SPIDR: variants seen among roughly 807,000 people sequenced by gnomAD.
SPIDR encodes the protein DNA repair-scaffolding protein.
A neutral mutation model predicts 104.6 loss-of-function variants in SPIDR; 93 were observed. The observed-to-expected ratio is 0.89, with a 90% confidence interval of 0.75 to 1.06. The LOEUF (loss-of-function observed/expected upper bound fraction) is 1.06. Ranked by LOEUF, SPIDR falls within the 50% of genes least tolerant of loss-of-function variation. The pLI is 0.00. For missense variants in SPIDR, 1,154 were observed against 1,111.2 expected, an observed-to-expected ratio of 1.04 and a Z score of -0.55; for synonymous variants, 431 against 416.9, an observed-to-expected ratio of 1.03 and a Z score of -0.41.
rs1554728461 is a variant in SPIDR, at chr8:47,483,157, GTTTTGTTTT to G, written c.1097+42616_1097+42624del. Among the ~76,000 whole-genome samples, 41 of 151,968 alleles carry G rather than the reference GTTTTGTTTT, an allele frequency of 2.7e-4. No homozygotes were observed. In the East Asian group the frequency reaches 7.0e-3, roughly 26 times the overall value. ...TTTTTTGTTTGTTTTGTTTTGTTTT[GTTTTGTTTT>G]GTTTGTGTGTGTGTCTTTTATTTTA... On this transcript the variant is annotated intron_variant, in intron 8 of 19. Coordinates refer to ENST00000297423, the MANE Select transcript of SPIDR (RefSeq NM_001080394.4).
In SPIDR at chr8:47,299,350, G is replaced by A. The variant is rs2041570575; in HGVS notation, c.525+5320G>A. 2.6e-5 allele frequency among the ~76,000 whole-genome samples: 4 copies of A among 152,258 alleles called. No individual in the cohort carries two copies. The South Asian group carries it at 8.3e-4, about 32-fold the overall frequency. On this transcript the variant is annotated intron_variant, in intron 5 of 19. Coordinates refer to ENST00000297423, the MANE Select transcript of SPIDR (RefSeq NM_001080394.4). ...GCCTGTCAGCTTAAGGAGATTTTGG[G>A]CTGAGGCAATGGGGTTTTCTAGATA...
intron 7 of SPIDR, among the ~76,000 whole-genome samples, chr8:47,419,794 G>T (rs148064843): frequency 0.026 from 3,891 of 152,138 alleles, 60 homozygotes; most frequent in Middle Eastern, 0.041. Context: ...CTTTGAATAT[G>T]TCCCAGAGAT....
At chr8:47,583,056 A>C (rs892738697) in intron 8 of SPIDR, among the ~76,000 whole-genome samples, 11 of 151,876 alleles carry the variant, frequency 7.2e-5, no homozygotes, top group Admixed American at 7.2e-4. Flanking sequence ...CCAACTTCTC[A>C]AGTATGCTCT....
At chr8:47,719,262 A>G (rs1200356999) in intron 16 of SPIDR, among the ~76,000 whole-genome samples, 2 of 152,144 alleles carry the variant, frequency 1.3e-5, no homozygotes, top group Non-Finnish European at 2.9e-5. Context: ...TAATCCCAGC[A>G]CTTGGGGAGG....
At chr8:47,334,411 A>T (rs1238885720) in intron 5 of SPIDR, among the ~76,000 whole-genome samples, 2 of 152,134 alleles carry the variant, frequency 1.3e-5, no homozygotes, top group African/African-American at 4.8e-5. Context: ...TTCACTTTGC[A>T]GTTTGTTTTT....
At chr8:47,317,610 C>A (rs1208289981) in intron 5 of SPIDR, among the ~76,000 whole-genome samples, 2 of 152,176 alleles carry the variant, frequency 1.3e-5, no homozygotes, top group Non-Finnish European at 2.9e-5. Flanking sequence ...GTTCTCCCAG[C>A]ACGCAGCTGG....
At chr8:47,440,653 G>C in intron 8 of SPIDR, 111 bp downstream of exon 8, 1 of 1,084,282 alleles carries the variant, frequency 9.2e-7, no homozygotes. Context: ...AATGCGAGAG[G>C]AAGAGAGCCA....
At chr8:47,281,615 T>C (rs1173792189) in intron 2 of SPIDR, among the ~76,000 whole-genome samples, 2 of 152,230 alleles carry the variant, frequency 1.3e-5, no homozygotes, top group Non-Finnish European at 2.9e-5. Context: ...CGTAGGAAAT[T>C]GCAGCAATTC....
chr8:47,533,940 C>G (rs1307633644), intron 8 of SPIDR, among the ~76,000 whole-genome samples: 1 of 152,148 alleles, frequency 6.6e-6, no homozygotes, highest in African/African-American at 2.4e-5. Context: ...GCTCTGTGTC[C>G]CCACCCAAAT....
At chr8:47,486,926 G>A (rs1452254881) in intron 8 of SPIDR, among the ~76,000 whole-genome samples, 35 of 152,176 alleles carry the variant, frequency 2.3e-4, no homozygotes, top group Non-Finnish European at 5.9e-5. Context: ...TCAATGCTAG[G>A]AAGAAACTGC....
chr8:47,576,032 G>A (rs1039080914), intron 8 of SPIDR, among the ~76,000 whole-genome samples: 1 of 150,046 alleles, frequency 6.7e-6, no homozygotes, highest in Non-Finnish European at 1.5e-5. Flanking sequence ...TAAACGATCT[G>A]TTATGTGAGA....
chr8:47,719,843 C>T (rs764353645), intron 16 of SPIDR, among the ~76,000 whole-genome samples: 1 of 152,140 alleles, frequency 6.6e-6, no homozygotes, highest in Non-Finnish European at 1.5e-5. Context: ...CTTACATTTA[C>T]AGGAGCCAGG....
At position 47,680,227 on chromosome 8, in the gene SPIDR, T is replaced by A. The variant is rs1471481322; in HGVS notation, c.1685+6286T>A. ...GAATTTTTCACAGGAAAAAAAGTTG[T>A]ATGCATTGCACTTTCCCTTTTCCTT... On this transcript the variant is annotated intron_variant, in intron 11 of 19. Coordinates refer to ENST00000297423, the MANE Select transcript of SPIDR (RefSeq NM_001080394.4). Among the ~76,000 whole-genome samples, 4 of 152,346 alleles carry A rather than the reference T, an allele frequency of 2.6e-5. No homozygotes were observed. In the South Asian group the frequency reaches 8.3e-4, roughly 32 times the overall value.
At chr8:47,290,029 T>C (rs1459836618) in intron 3 of SPIDR, among the ~76,000 whole-genome samples, 1 of 152,274 alleles carries the variant, frequency 6.6e-6, no homozygotes, top group African/African-American at 2.4e-5. Flanking sequence ...TGATTTTATT[T>C]ATATAACCTT....
At chr8:47,421,115 T>G (rs2065371794) in intron 7 of SPIDR, among the ~76,000 whole-genome samples, 1 of 152,230 alleles carries the variant, frequency 6.6e-6, no homozygotes, top group African/African-American at 2.4e-5. Flanking sequence ...GAACAGTATC[T>G]TTGTGCTGTT....
chr8:47,522,226 A>G lies in SPIDR; in HGVS notation c.1098-73585A>G, dbSNP rs530149616. ...AGAAACATGAATGAGCAGGAGAAAA[A>G]GAACTGTGATACTGAAGGGGTCAGC... On this transcript the variant is annotated intron_variant, in intron 8 of 19. Coordinates refer to ENST00000297423, the MANE Select transcript of SPIDR (RefSeq NM_001080394.4). 2.6e-5 allele frequency among the ~76,000 whole-genome samples: 4 copies of G among 152,082 alleles called. No individual in the cohort carries two copies. In the South Asian group the frequency reaches 8.3e-4, roughly 32 times the overall value.
rs745986720 is a variant in SPIDR at position 47,701,971 on chromosome 8, A to C, written c.1933A>C (p.Thr645Pro). The C allele has an allele frequency of 3.7e-6, 6 of 1,613,822 alleles. No homozygotes were observed. Among genetic ancestry groups the C allele is most frequent in the African/African-American group, 1.3e-5 (1 of 74,804 alleles). The stretch of plus-strand genomic sequence containing the variant: ...TCCTTTCCAGATGAATGATCTTGGT[A>C]CCCGTTGCAGTTTCTATGCCACGGT... Reference protein sequence around the residue: ...RDILQMNDLGTRCSFYATVIY... With the variant: ...RDILQMNDLGPRCSFYATVIY... The change falls in exon 14 of 20, where the codon ACC becomes CCC. Residue 645 changes from threonine to proline, a missense_variant. Thr to Pro is a conservative substitution (Grantham distance 38). Coordinates refer to ENST00000297423, the MANE Select transcript of SPIDR (RefSeq NM_001080394.4).
At chr8:47,560,933 C>T (rs1399237684) in intron 8 of SPIDR, among the ~76,000 whole-genome samples, 4 of 152,182 alleles carry the variant, frequency 2.6e-5, no homozygotes, top group Non-Finnish European at 2.9e-5. Flanking sequence ...CCCAGGGCCT[C>T]CTTTCTGGGT....
At chr8:47,348,511 GA>G (rs1457695618) in intron 5 of SPIDR, among the ~76,000 whole-genome samples, 3 of 152,200 alleles carry the variant, frequency 2.0e-5, no homozygotes, top group Admixed American at 6.5e-5. Flanking sequence ...CGAAGTTGGG[GA>G]AGTTTTCCTG....
Sources: allele counts gnomAD v4.1 joint callset (sites outside exome capture counted in the v4.1 genomes callset), GRCh38; gene constraint gnomAD v4.1.1; transcripts MANE v1.5; gene names NCBI Gene and HGNC (gene_info 2026-07-23, HGNC 2026-07-21).